Variants in ANHX observed in about 807,000 individuals in gnomAD.
ANHX encodes anomalous homeobox protein.
In ANHX, 20 loss-of-function variants were observed where a neutral mutation model predicts 38.9. The ratio of observed to expected loss-of-function variants is 0.51; its 90% CI spans 0.36 to 0.75. ANHX has a LOEUF of 0.75. ANHX is among the 30% of genes least tolerant of loss of function. ANHX has a pLI of 0.00. For missense variants in ANHX, 475 were observed against 493.1 expected (o/e 0.96, Z 0.35); for synonymous variants, 185 against 203.1 (o/e 0.91, Z 0.76).
rs1182296415 is a variant in ANHX at position 133,226,340 on chromosome 12, C to T, written c.817G>A (p.Val273Ile). The T allele has an allele frequency of 6.5e-7, 1 of 1,536,258 alleles. No homozygotes were observed. Among genetic ancestry groups the T allele is most frequent in the Non-Finnish European group, 8.7e-7 (1 of 1,146,914 alleles). The change falls in exon 6 of 10, where the codon GTC becomes ATC. Residue 273 changes from valine (V) to isoleucine (I), a missense_variant. By Grantham distance (29) the Val-to-Ile change is conservative. Coordinates refer to ENST00000545940, the MANE Select transcript of ANHX (RefSeq NM_001372060.1). ...LAPDFPADETVSKPLDVRSLP... is the reference protein window; with the variant it reads ...LAPDFPADETISKPLDVRSLP... ...TACCTGACATCCAGTGGCTTTGAGACTGTCTCATCTGCGGGAAAGTCCGGG... is the reference window on the plus strand; with the variant it reads ...TACCTGACATCCAGTGGCTTTGAGATTGTCTCATCTGCGGGAAAGTCCGGG...
chr12:133,231,345 C>G (rs1957271541), intron 3 of ANHX, among the ~76,000 whole-genome samples, 172 bp downstream of exon 3: 1 of 152,256 alleles, frequency 6.6e-6, no homozygotes, highest in Admixed American at 6.5e-5. Context: ...AGGTGTGACA[C>G]ACACTGAAGT....
intron 2 of ANHX, 147 bp from the exon 3 acceptor site, chr12:133,231,791 A>G (rs1957282347): frequency 1.6e-5 from 17 of 1,052,662 alleles, no homozygotes; most frequent in Non-Finnish European, 1.8e-5. Flanking sequence ...CTGATTTTAC[A>G]AAGTGCCAGT....
At chr12:133,233,987 G>A (rs1381728677) in intron 2 of ANHX, 121 bp downstream of exon 2, 1 of 1,293,970 alleles carries the variant, frequency 7.7e-7, no homozygotes, top group African/African-American at 1.5e-5. Context: ...CCTGGGGGTG[G>A]GCCTCTGGCC....
intron 7 of ANHX, among the ~76,000 whole-genome samples, chr12:133,224,500 G>C (rs933712375): frequency 6.7e-6 from 1 of 150,366 alleles, no homozygotes; most frequent in Non-Finnish European, 1.5e-5. Context: ...TGTCTCTACT[G>C]AAAATACAAA....
intron 3 of ANHX, 65 bp from the exon 4 acceptor site, chr12:133,228,012 G>A: frequency 1.3e-6 from 2 of 1,515,586 alleles, no homozygotes; most frequent in Non-Finnish European, 8.8e-7. Context: ...CCTTCTCCAG[G>A]CCTGGCCCTC....
rs965596633 is a variant in ANHX at position 133,227,889 on chromosome 12, C to A, written c.436G>T (p.Glu146Ter). 3 of 1,532,978 alleles carry A rather than the reference C, an allele frequency of 2.0e-6. No homozygotes were observed. The highest frequency in any genetic ancestry group is 2.6e-6 in the Non-Finnish European group (3 of 1,146,094). The allele number at this position is 1,532,978 out of a possible 1,614,324, so 95.0% of individuals were successfully genotyped here. A position where few individuals can be genotyped will look rare whatever the true frequency, so the allele number is the denominator to read the frequency against. The change falls in exon 4 of 10, where the codon GAG becomes TAG. Residue 146 changes from glutamate (E) to a stop codon, truncating the protein, a stop_gained. Coordinates refer to ENST00000545940, the MANE Select transcript of ANHX (RefSeq NM_001372060.1). LOFTEE classifies it high-confidence loss of function. ...AAATTGTGCAGCTTCTCACGAACCTCTCTGGGGAAGTTCCGGCTCTTCAGC... is the reference window on the plus strand; with the variant it reads ...AAATTGTGCAGCTTCTCACGAACCTATCTGGGGAAGTTCCGGCTCTTCAGC... ...EGLKSRNFPR[E>*]VREKLHNFAV...
At chr12:133,235,342 A>C (rs1957353821) in intron 1 of ANHX, 2 of 152,050 alleles carry the variant, frequency 1.3e-5, no homozygotes, top group East Asian at 3.9e-4. Context: ...GGAAGGAAAA[A>C]GGTTCCTGTG....
At chr12:133,222,988 C>T (rs924219782) in intron 7 of ANHX, among the ~76,000 whole-genome samples, 2 of 151,940 alleles carry the variant, frequency 1.3e-5, no homozygotes, top group Admixed American at 6.6e-5. Flanking sequence ...ATCAGGAGTT[C>T]GAGACCAGCC....
chr12:133,227,728 T>G, intron 4 of ANHX, 96 bp downstream of exon 4: 2 of 1,409,982 alleles, frequency 1.4e-6, no homozygotes, highest in Non-Finnish European at 1.9e-6. Flanking sequence ...CCCTGGCGGA[T>G]GAGGCCACTG....
At chr12:133,223,329 T>G (rs1957138593) in intron 7 of ANHX, among the ~76,000 whole-genome samples, 1 of 151,650 alleles carries the variant, frequency 6.6e-6, no homozygotes, top group African/African-American at 2.4e-5. Flanking sequence ...AGTTCCAACA[T>G]CCAAATAACA....
chr12:133,226,274 AC>A (rs1410074472), intron 6 of ANHX, 43 bp downstream of exon 6: 1 of 1,535,746 alleles, frequency 6.5e-7, no homozygotes, highest in Non-Finnish European at 8.7e-7. Context: ...AGGAAAGGGA[AC>A]TGAATAGGTG....
At chr12:133,231,862 G>A (rs922034633) in intron 2 of ANHX, among the ~76,000 whole-genome samples, 8 of 152,198 alleles carry the variant, frequency 5.3e-5, no homozygotes, top group Non-Finnish European at 8.8e-5. Flanking sequence ...CAGGCTCAGC[G>A]GTGTGACCCT....
rs914050688 is a variant in ANHX at position 133,218,750 on chromosome 12, T to C, written c.*135A>G. ...TGGCAGTGGGAAAGAATCTCTGCTTTTCAGCAGAGCCCCCAGGGGAACTCT... is the reference window on the plus strand; with the variant it reads ...TGGCAGTGGGAAAGAATCTCTGCTTCTCAGCAGAGCCCCCAGGGGAACTCT... On this transcript the variant is annotated 3_prime_UTR_variant, in exon 10 of 10. Coordinates refer to ENST00000545940, the MANE Select transcript of ANHX (RefSeq NM_001372060.1). 1 of 559,594 alleles carries C rather than the reference T, an allele frequency of 1.8e-6. No homozygotes were observed. Among genetic ancestry groups the C allele is most frequent in the African/African-American group, 1.9e-5 (1 of 52,200 alleles). 34.7% of individuals were successfully genotyped at this position (559,594 alleles called of 1,614,324 possible).
intron 7 of ANHX, among the ~76,000 whole-genome samples, chr12:133,224,915 C>A (rs150673536): frequency 0.02 from 2,858 of 146,318 alleles, 96 homozygotes; most frequent in African/African-American, 0.07. Context: ...TGCAGTGAGC[C>A]GAGATCACGC....
At position 133,226,452 on chromosome 12, in the gene ANHX, G is replaced by A; in HGVS notation, c.719-14C>T. ...CCTCACGTTCCTCTGAAAGTGATGA[G>A]ATGGGAGGGGAGACTTAGTGAGGCT... On this transcript the variant is annotated splice_polypyrimidine_tract_variant and intron_variant, in intron 5 of 9. Coordinates refer to ENST00000545940, the MANE Select transcript of ANHX (RefSeq NM_001372060.1). 6.5e-7 allele frequency: 1 copy of A among 1,528,312 alleles called. No homozygotes were observed. Among genetic ancestry groups the A allele is most frequent in the Admixed American group, 2.0e-5 (1 of 50,300 alleles). 94.7% of individuals were successfully genotyped at this position (1,528,312 alleles called of 1,614,324 possible). A position where few individuals can be genotyped will look rare whatever the true frequency, so the allele number is the denominator to read the frequency against.
intron 3 of ANHX, among the ~76,000 whole-genome samples, chr12:133,228,426 C>T (rs1040139922): frequency 1.3e-5 from 2 of 152,162 alleles, no homozygotes; most frequent in Non-Finnish European, 2.9e-5. Context: ...TTCTGTTCAT[C>T]GCTGGTTTCC....
chr12:133,218,586 T>G lies in ANHX; in HGVS notation c.*299A>C. On this transcript the variant is annotated 3_prime_UTR_variant, in exon 10 of 10. Coordinates refer to ENST00000545940, the MANE Select transcript of ANHX (RefSeq NM_001372060.1). Reference sequence around the variant, plus strand: ...GAACACTCCCCTCTCTAGAATGGCCTTCTCTGCACGAGTGCCCCGGAGCCC... The same window carrying G: ...GAACACTCCCCTCTCTAGAATGGCCGTCTCTGCACGAGTGCCCCGGAGCCC... The G allele has an allele frequency of 4.2e-6, 1 of 239,704 alleles. No homozygotes were observed. Among genetic ancestry groups the G allele is most frequent in the East Asian group, 8.0e-5 (1 of 12,500 alleles). 14.8% of individuals were successfully genotyped at this position (239,704 alleles called of 1,614,324 possible). A position where few individuals can be genotyped will look rare whatever the true frequency, so the allele number is the denominator to read the frequency against.
chr12:133,227,192 C>A, intron 4 of ANHX, 40 bp from the exon 5 acceptor site: 1 of 1,510,620 alleles, frequency 6.6e-7, no homozygotes, highest in Non-Finnish European at 8.8e-7. Context: ...TGCTTCCATT[C>A]CCTGAGGACA....
Position 133,226,386 on chromosome 12 carries a change from TG to T in ANHX, c.770del (p.Pro257HisfsTer7). The stretch of plus-strand genomic sequence containing the variant: ...CCGGGGCTAAGGCCAGTGGCTCCCA[TG>T]GTCCTTGGGTGGTCTGTGGGGACTG... ...PPQSPQTTQG[P>X]WEPLALAPDF... On this transcript the variant is annotated frameshift_variant, in exon 6 of 10. Transcript: ENST00000545940. LOFTEE classifies it high-confidence loss of function. The T allele has an allele frequency of 6.5e-7, 1 of 1,536,228 alleles. No individual in the cohort carries two copies. The highest frequency in any genetic ancestry group is 2.4e-5 in the East Asian group (1 of 40,920).
Sources: gnomAD v4.1 joint callset for allele counts (sites outside exome capture counted in the v4.1 genomes callset) on GRCh38, gnomAD v4.1.1 for gene constraint, MANE v1.5 for transcripts, NCBI Gene and HGNC (gene_info 2026-07-23, HGNC 2026-07-21) for gene names.